Variants in SESTD1 observed in about 807,000 individuals in gnomAD.
SESTD1 encodes the protein SEC14 domain and spectrin repeat-containing protein 1.
Under a neutral mutation model 101.7 loss-of-function variants are expected in SESTD1, and 43 were observed. The ratio of observed to expected loss-of-function variants is 0.42; its 90% CI spans 0.33 to 0.55. SESTD1 has a LOEUF of 0.55. Among genes scored for constraint, SESTD1 ranks in the 20% least tolerant of loss-of-function variants. The probability of loss-of-function intolerance (pLI) is 0.07; values close to 1 mark genes in which losing one functional copy is unlikely to be tolerated. For synonymous variants in SESTD1, 283 were observed against 286.8 expected (o/e 0.99, Z 0.13); for missense variants, 647 against 815.1 (o/e 0.79, Z 2.51).
Position 179,228,073 on chromosome 2 carries a change from C to A in SESTD1, c.-25-36207G>T, listed in dbSNP as rs181076994. 1.5e-3 allele frequency among the ~76,000 whole-genome samples: 225 copies of A among 152,272 alleles called. 2 individuals are homozygous for A. Among genetic ancestry groups the A allele is most frequent in the African/African-American group, 4.8e-3 (198 of 41,552 alleles). ...TGAACAGCCTCCTTATGATCCCTTC[C>A]CTCGTAGGAATCTACCATCTATCAA... On this transcript the variant is annotated intron_variant, in intron 1 of 17. Coordinates refer to ENST00000428443, the MANE Select transcript of SESTD1 (RefSeq NM_178123.5).
At chr2:179,246,016 G>A (rs1359710550) in intron 1 of SESTD1, among the ~76,000 whole-genome samples, 1 of 152,082 alleles carries the variant, frequency 6.6e-6, no homozygotes, top group Non-Finnish European at 1.5e-5. Context: ...CAACACTTTG[G>A]GTGGCCAAGG....
chr2:179,241,360 GA>G (rs763606566), intron 1 of SESTD1, among the ~76,000 whole-genome samples: 28 of 152,046 alleles, frequency 1.8e-4, no homozygotes, highest in Non-Finnish European at 2.8e-4. Context: ...TAAAGAAGGT[GA>G]ATGAAGCGGA....
At chr2:179,222,022 T>C (rs2046823073) in intron 1 of SESTD1, among the ~76,000 whole-genome samples, 1 of 152,238 alleles carries the variant, frequency 6.6e-6, no homozygotes, top group African/African-American at 2.4e-5. Context: ...TGGTCAACTA[T>C]TAAACTTGTT....
At chr2:179,174,809 TGTG>T (rs926853937) in intron 4 of SESTD1, among the ~76,000 whole-genome samples, 2 of 151,804 alleles carry the variant, frequency 1.3e-5, no homozygotes, top group African/African-American at 4.8e-5. Context: ...AGTAGCCAGG[TGTG>T]GTGGCGCTCG....
intron 5 of SESTD1, among the ~76,000 whole-genome samples, chr2:179,160,655 C>T (rs1028953753): frequency 6.6e-6 from 1 of 151,942 alleles, no homozygotes; most frequent in Admixed American, 6.6e-5. Flanking sequence ...GAAGATGGAA[C>T]CACAAACTCA....
chr2:179,165,622 C>T (rs1322547147), intron 5 of SESTD1, among the ~76,000 whole-genome samples: 2 of 152,226 alleles, frequency 1.3e-5, no homozygotes, highest in African/African-American at 4.8e-5. Context: ...AAGCAACATT[C>T]AGACCTCCTG....
At position 179,122,725 on chromosome 2, in the gene SESTD1, A is replaced by C. The variant is rs144542909; in HGVS notation, c.1283-796T>G. Reference sequence around the variant, plus strand: ...GCCAACATGGCAAAACCCCATGTCTACTATAACTACCAATACAAAAATTAG... The same window carrying C: ...GCCAACATGGCAAAACCCCATGTCTCCTATAACTACCAATACAAAAATTAG... On this transcript the variant is annotated intron_variant, in intron 12 of 17. Transcript: ENST00000428443. Among the ~76,000 whole-genome samples, 186 of 152,148 alleles carry C rather than the reference A, an allele frequency of 1.2e-3. 1 individual carries two copies. The highest frequency in any genetic ancestry group is 4.2e-3 in the African/African-American group (176 of 41,512).
intron 2 of SESTD1, among the ~76,000 whole-genome samples, chr2:179,190,940 T>C (rs112119655): frequency 2.0e-5 from 3 of 152,356 alleles, no homozygotes; most frequent in African/African-American, 7.2e-5. Context: ...GTAAATTAGT[T>C]CAGTAACTGG....
intron 8 of SESTD1, 26 bp from the exon 9 acceptor site, chr2:179,143,829 T>C: frequency 6.2e-7 from 1 of 1,603,274 alleles, no homozygotes; most frequent in Non-Finnish European, 8.5e-7. Context: ...ATACTTGAAA[T>C]TAATATCTGT....
chr2:179,249,069 T>C (rs67043078), intron 1 of SESTD1, among the ~76,000 whole-genome samples: 41,654 of 138,768 alleles, frequency 0.3, 6,352 homozygotes, highest in South Asian at 0.44. Context: ...CCAGCCTGGG[T>C]GACAGAGTGA....
At chr2:179,174,622 T>C (rs1373879359) in intron 4 of SESTD1, among the ~76,000 whole-genome samples, 3 of 152,168 alleles carry the variant, frequency 2.0e-5, no homozygotes, top group Admixed American at 6.5e-5. Flanking sequence ...GAAAAAGTTA[T>C]TTTAGGACAC....
At chr2:179,139,743 C>T (rs2045236363) in intron 9 of SESTD1, among the ~76,000 whole-genome samples, 1 of 152,128 alleles carries the variant, frequency 6.6e-6, no homozygotes. Flanking sequence ...ATGCAGTTTC[C>T]ACATCCTGCT....
At chr2:179,196,699 C>T (rs942621786) in intron 1 of SESTD1, among the ~76,000 whole-genome samples, 1 of 152,202 alleles carries the variant, frequency 6.6e-6, no homozygotes, top group African/African-American at 2.4e-5. Flanking sequence ...AAGGGGCAGA[C>T]TGACACCTCA....
chr2:179,113,732 C>G (rs558545928), intron 16 of SESTD1, among the ~76,000 whole-genome samples: 3 of 151,778 alleles, frequency 2.0e-5, no homozygotes, highest in East Asian at 1.9e-4. Context: ...AGAATACAGT[C>G]AAGAGGAAAG....
At chr2:179,122,699 G>A (rs924879827) in intron 12 of SESTD1, among the ~76,000 whole-genome samples, 1 of 152,084 alleles carries the variant, frequency 6.6e-6, no homozygotes, top group Non-Finnish European at 1.5e-5. Context: ...AGACCAGCCT[G>A]GCCAACATGG....
Position 179,211,200 on chromosome 2 carries a change from G to A in SESTD1, c.-25-19334C>T, listed in dbSNP as rs143714638. Among the ~76,000 whole-genome samples the A allele has an allele frequency of 6.8e-4, 91 of 133,858 alleles. 16 individuals are homozygous for A. Among genetic ancestry groups the A allele is most frequent in the Middle Eastern group, 4.3e-3 (1 of 234 alleles). 87.8% of individuals were successfully genotyped at this position (133,858 alleles called of 152,430 possible). A position where few individuals can be genotyped will look rare whatever the true frequency, so the allele number is the denominator to read the frequency against. ...GGAAACACATCCCATGCTCACGGAT[G>A]GATAGAATCAATATTGTGAAAATGA... On this transcript the variant is annotated intron_variant, in intron 1 of 17. Transcript: ENST00000428443.
intron 1 of SESTD1, among the ~76,000 whole-genome samples, chr2:179,196,894 A>C (rs1269396460): frequency 6.6e-6 from 1 of 152,256 alleles, no homozygotes; most frequent in Non-Finnish European, 1.5e-5. Context: ...TCTGAAAAGC[A>C]GAGCGCCTCT....
chr2:179,223,717 CAAT>C (rs1559150314), intron 1 of SESTD1, among the ~76,000 whole-genome samples: 1 of 151,930 alleles, frequency 6.6e-6, no homozygotes, highest in Non-Finnish European at 1.5e-5. Context: ...TGGTATAAAA[CAAT>C]GACAATAAAA....
At chr2:179,204,719 C>CT (rs1344450358) in intron 1 of SESTD1, among the ~76,000 whole-genome samples, 1 of 135,128 alleles carries the variant, frequency 7.4e-6, no homozygotes, top group African/African-American at 2.9e-5. Flanking sequence ...GGCACCAGCA[C>CT]TTTTTCCCAC....
Sources: gnomAD v4.1 joint callset for allele counts (sites outside exome capture counted in the v4.1 genomes callset) on GRCh38, gnomAD v4.1.1 for gene constraint, MANE v1.5 for transcripts, NCBI Gene and HGNC (gene_info 2026-07-23, HGNC 2026-07-21) for gene names.